Variants in NBEA observed in about 807,000 individuals in gnomAD.
NBEA encodes lysosomal-trafficking regulator 2.
A neutral mutation model predicts 343.4 loss-of-function variants in NBEA; 44 were observed. The observed-to-expected ratio is 0.13, with a 90% CI of 0.10 to 0.16. The LOEUF is 0.16. Among genes scored for constraint, NBEA ranks in the 10% least tolerant of loss-of-function variants. NBEA has a pLI of 1.00. For synonymous variants in NBEA, 1,175 were observed against 1,238.7 expected (o/e 0.95, Z 1.08); for missense variants, 2,555 against 3,631.3 (o/e 0.70, Z 7.62).
intron 46 of NBEA, among the ~76,000 whole-genome samples, chr13:35,586,135 T>C (rs1378936854): frequency 6.6e-6 from 1 of 152,178 alleles, no homozygotes; most frequent in Non-Finnish European, 1.5e-5. Flanking sequence ...AAGAAACACA[T>C]TGGTAAAGCA....
chr13:35,338,626 C>T (rs1405131019), intron 36 of NBEA, among the ~76,000 whole-genome samples: 2 of 151,926 alleles, frequency 1.3e-5, no homozygotes, highest in African/African-American at 4.8e-5. Context: ...CGAGTATTAC[C>T]CTTAATGATA....
chr13:35,394,010 A>G (rs897291902), intron 38 of NBEA, among the ~76,000 whole-genome samples: 1 of 152,152 alleles, frequency 6.6e-6, no homozygotes, highest in Non-Finnish European at 1.5e-5. Flanking sequence ...TATAATATGC[A>G]GCATACCAAG....
chr13:35,632,494 T>G (rs2083493865), intron 49 of NBEA, among the ~76,000 whole-genome samples: 1 of 145,524 alleles, frequency 6.9e-6, no homozygotes, highest in Non-Finnish European at 1.5e-5. Context: ...TTTGGAAAGC[T>G]TTTTTTTTTT....
At chr13:35,260,407 T>C (rs1208356367) in intron 34 of NBEA, among the ~76,000 whole-genome samples, 1 of 152,236 alleles carries the variant, frequency 6.6e-6, no homozygotes, top group Non-Finnish European at 1.5e-5. Context: ...TAAGCAGTTT[T>C]TATACATTGA....
At chr13:35,197,459 A>G (rs1305300617) in intron 31 of NBEA, among the ~76,000 whole-genome samples, 1 of 152,052 alleles carries the variant, frequency 6.6e-6, no homozygotes, top group Admixed American at 6.6e-5. Flanking sequence ...GTTCTAAGTA[A>G]CATTTTAGTT....
rs562346712 is a variant in NBEA at position 35,173,514 on chromosome 13, G to A, written c.4474G>A (p.Asp1492Asn). ...NCLECRQRQR[D>N]RGNKSSHGSS... ...TTTAGAATGTCGGCAAAGACAGAGAGACAGGGGAAATAAATCTTCCCATGG... is the reference window on the plus strand; with the variant it reads ...TTTAGAATGTCGGCAAAGACAGAGAAACAGGGGAAATAAATCTTCCCATGG... The change falls in exon 27 of 59, where the codon GAC becomes AAC. Residue 1492 changes from aspartate to asparagine, a missense_variant. Transcript: ENST00000379939. The A allele has an allele frequency of 1.2e-6, 2 of 1,610,734 alleles. No individual in the cohort carries two copies. Among genetic ancestry groups the A allele is most frequent in the East Asian group, 2.2e-5 (1 of 44,690 alleles).
Position 35,305,321 on chromosome 13 carries a change from T to C in NBEA, c.5839-4207T>C, listed in dbSNP as rs184262590. Among the ~76,000 whole-genome samples, 5 of 152,304 alleles carry C rather than the reference T, an allele frequency of 3.3e-5. No individual in the cohort carries two copies. The East Asian group carries it at 9.6e-4, about 29-fold the overall frequency. ...CTGTTTTGGTACTTCCATTAACAATTATTTAGATAATTTTCATTGCCTCTG... is the reference window on the plus strand; with the variant it reads ...CTGTTTTGGTACTTCCATTAACAATCATTTAGATAATTTTCATTGCCTCTG... On this transcript the variant is annotated intron_variant, in intron 35 of 58. Coordinates refer to ENST00000379939, the MANE Select transcript of NBEA (RefSeq NM_001385012.1).
chr13:34,992,182 A>G (rs2060775711), intron 1 of NBEA, among the ~76,000 whole-genome samples: 1 of 144,148 alleles, frequency 6.9e-6, no homozygotes, highest in African/African-American at 2.5e-5. Context: ...GTGTGTGTAT[A>G]TGTGTGTGTA....
At chr13:35,046,494 A>G (rs989365485) in intron 4 of NBEA, among the ~76,000 whole-genome samples, 2 of 152,184 alleles carry the variant, frequency 1.3e-5, no homozygotes, top group East Asian at 1.9e-4. Flanking sequence ...CGCCTTATCC[A>G]TGGGGTATAT....
At chr13:35,474,874 C>T (rs2075793119) in intron 41 of NBEA, 2 of 709,946 alleles carry the variant, frequency 2.8e-6, no homozygotes, top group South Asian at 2.1e-5. Flanking sequence ...TCTCCATCCG[C>T]TTCCCCTACT....
intron 38 of NBEA, among the ~76,000 whole-genome samples, chr13:35,415,785 C>G (rs1300702490): frequency 2.6e-5 from 4 of 152,046 alleles, no homozygotes; most frequent in African/African-American, 9.7e-5. Context: ...TCATTGGTAG[C>G]TTGATGGGGA....
chr13:35,529,815 A>C (rs900467503), intron 41 of NBEA, among the ~76,000 whole-genome samples: 1 of 152,154 alleles, frequency 6.6e-6, no homozygotes, highest in African/African-American at 2.4e-5. Flanking sequence ...AAAGGCAGAA[A>C]ATTTGTTATT....
chr13:35,651,912 C>G, intron 53 of NBEA, 36 bp downstream of exon 53: 32 of 1,107,128 alleles, frequency 2.9e-5, no homozygotes, highest in Non-Finnish European at 4.0e-5. Context: ...TTCATGGATA[C>G]TATCCATATA....
At chr13:35,447,594 T>A (rs9544374) in intron 39 of NBEA, among the ~76,000 whole-genome samples, 66,374 of 151,904 alleles carry the variant, frequency 0.44, 17,271 homozygotes, top group Middle Eastern at 0.6. Flanking sequence ...GGATTTAGCT[T>A]CCTTGAGCTA....
At chr13:34,999,606 T>A (rs7332133) in intron 1 of NBEA, among the ~76,000 whole-genome samples, 139,174 of 152,070 alleles carry the variant, frequency 0.92, 64,380 homozygotes, top group Non-Finnish European at 0.99. Flanking sequence ...TGATTTTTTT[T>A]AAAAAAATAA....
chr13:35,050,377 T>C lies in NBEA; in HGVS notation c.954T>C (p.Tyr318=). 5 of 1,608,546 alleles carry C rather than the reference T, an allele frequency of 3.1e-6. No homozygotes were observed. In the South Asian group the frequency reaches 3.3e-5, roughly 11 times the overall value. The part of the protein sequence containing the change: ...KGKGFQHCVK[Y]DFQPRKWYMI... ...AAGGTTTTCAGCATTGTGTGAAATA[T>C]GATTTTCAACCACGCAAGGTAGGTA... Residue 318 remains tyrosine (Y), a synonymous_variant, in exon 6 of 59, where the codon TAT becomes TAC. Transcript: ENST00000379939.
intron 11 of NBEA, among the ~76,000 whole-genome samples, chr13:35,105,202 T>C (rs2065858689): frequency 6.6e-6 from 1 of 152,016 alleles, no homozygotes; most frequent in African/African-American, 2.4e-5. Flanking sequence ...GGAAAATATA[T>C]ACCCAACTTC....
intron 33 of NBEA, among the ~76,000 whole-genome samples, chr13:35,226,773 A>G (rs1443628780): frequency 2.0e-5 from 3 of 151,370 alleles, no homozygotes; most frequent in Non-Finnish European, 4.4e-5. Context: ...CCAAAAAAGC[A>G]TTACATAATG....
At chr13:35,453,714 T>C (rs2046416096) in intron 40 of NBEA, among the ~76,000 whole-genome samples, 1 of 152,166 alleles carries the variant, frequency 6.6e-6, no homozygotes, top group Non-Finnish European at 1.5e-5. Context: ...GATAATTAAT[T>C]AGTTAGTATA....
Sources: gnomAD v4.1 joint callset for allele counts (sites outside exome capture counted in the v4.1 genomes callset) on GRCh38, gnomAD v4.1.1 for gene constraint, MANE v1.5 for transcripts, NCBI Gene and HGNC (gene_info 2026-07-23, HGNC 2026-07-21) for gene names.